Variants in RIC3 observed in about 807,000 individuals in gnomAD.
RIC3 encodes protein RIC-3.
Under a neutral mutation model 27.3 loss-of-function variants are expected in RIC3, and 28 were observed. The observed-to-expected ratio is 1.02, with a 90% CI of 0.76 to 1.41. The LOEUF (loss-of-function observed/expected upper bound fraction) is 1.41. RIC3 is among the 40% of genes most tolerant of loss of function. The pLI is 0.00. For missense variants in RIC3, 501 were observed against 444.7 expected, an observed-to-expected ratio of 1.13 and a Z score of -1.14; for synonymous variants, 184 against 160.4, an observed-to-expected ratio of 1.15 and a Z score of -1.11.
the RIC3 span, chr11:8,097,941 C>T: frequency 7.9e-6 from 6 of 760,216 alleles, no homozygotes; most frequent in Non-Finnish European, 1.1e-5. Flanking sequence ...GGATACTCTC[C>T]CAGGATCCTC....
the RIC3 span, among the ~76,000 whole-genome samples, chr11:8,099,144 C>T: frequency 2.0e-5 from 3 of 152,098 alleles, no homozygotes; most frequent in Non-Finnish European, 2.9e-5. Context: ...GTCTCTTAGA[C>T]AGAAGGAGAC....
intron 1 of RIC3, among the ~76,000 whole-genome samples, chr11:8,154,081 A>G (rs915586830): frequency 6.6e-6 from 1 of 152,212 alleles, no homozygotes; most frequent in African/African-American, 2.4e-5. Context: ...AAACATTTGG[A>G]AATTTCTAGT....
At chr11:8,146,066 T>C (rs1307603412) in intron 1 of RIC3, among the ~76,000 whole-genome samples, 2 of 152,184 alleles carry the variant, frequency 1.3e-5, no homozygotes, top group African/African-American at 2.4e-5. Flanking sequence ...AGGTTATATA[T>C]ATGTGAACTA....
intron 1 of RIC3, among the ~76,000 whole-genome samples, chr11:8,148,415 C>CTT (rs1949927146): frequency 6.6e-6 from 1 of 152,216 alleles, no homozygotes; most frequent in African/African-American, 2.4e-5. Flanking sequence ...AGGAAGCTAA[C>CTT]TTTTCTCTTG....
intron 1 of RIC3, 49 bp downstream of exon 1, chr11:8,168,817 C>A (rs79545167): frequency 6.3e-7 from 1 of 1,582,258 alleles, no homozygotes; most frequent in Non-Finnish European, 8.6e-7. Context: ...GCAGCGTTCT[C>A]CGTACTCTTC....
chr11:8,133,848 G>C (rs991897160), intron 4 of RIC3, among the ~76,000 whole-genome samples: 2 of 152,220 alleles, frequency 1.3e-5, no homozygotes, highest in African/African-American at 2.4e-5. Flanking sequence ...GGAGTAATTT[G>C]AGTTAAGGGA....
the RIC3 span, chr11:8,094,146 C>A: frequency 1.2e-6 from 2 of 1,614,024 alleles, no homozygotes; most frequent in Admixed American, 3.3e-5. Context: ...CAGCAGGGGG[C>A]CAGGGTGGCG....
downstream of RIC3, chr11:8,105,972 C>T (rs903613294): frequency 6.6e-6 from 1 of 152,196 alleles, no homozygotes; most frequent in African/African-American, 2.4e-5. Context: ...CTGTGTATGT[C>T]TATTTGCACA....
intron 1 of RIC3, among the ~76,000 whole-genome samples, chr11:8,168,370 G>A: frequency 6.6e-6 from 1 of 152,176 alleles, no homozygotes; most frequent in East Asian, 1.9e-4. Flanking sequence ...GGCACAAGAA[G>A]AGCCTGAAGC....
At chr11:8,105,737 C>T (rs1444616823), downstream of RIC3, 6 of 152,166 alleles carry the variant, frequency 3.9e-5, no homozygotes, top group Non-Finnish European at 8.8e-5. Context: ...ATCACTGTGC[C>T]TTTTTTTCTT....
At chr11:8,123,634 A>G (rs1946699951) in intron 5 of RIC3, among the ~76,000 whole-genome samples, 1 of 152,186 alleles carries the variant, frequency 6.6e-6, no homozygotes, top group Non-Finnish European at 1.5e-5. Context: ...TGGATGAACT[A>G]TGTAAATTCC....
the RIC3 span, among the ~76,000 whole-genome samples, chr11:8,093,245 G>C: frequency 1.2e-4 from 18 of 152,160 alleles, no homozygotes; most frequent in African/African-American, 3.9e-4. Flanking sequence ...GATCACTGAG[G>C]GGGGCGAGGG....
chr11:8,135,122 C>G (rs534610824), intron 4 of RIC3, among the ~76,000 whole-genome samples: 2 of 152,298 alleles, frequency 1.3e-5, no homozygotes, highest in South Asian at 4.1e-4. Context: ...TTAGGTCTAA[C>G]ATTTAAGTCT....
chr11:8,101,799 G>A, downstream of RIC3: 35 of 1,103,020 alleles, frequency 3.2e-5, no homozygotes, highest in Non-Finnish European at 4.3e-5. Flanking sequence ...TACTGAGGCA[G>A]GGGAGTAGTG....
At chr11:8,094,581 T>C in the RIC3 span, among the ~76,000 whole-genome samples, 2 of 152,228 alleles carry the variant, frequency 1.3e-5, no homozygotes, top group African/African-American at 2.4e-5. Flanking sequence ...CCCATCCTTA[T>C]GCAGCCCTCG....
At chr11:8,097,866 G>A in the RIC3 span, 2 of 1,515,872 alleles carry the variant, frequency 1.3e-6, no homozygotes, top group Non-Finnish European at 1.8e-6. Flanking sequence ...GAGTGGGAGG[G>A]AGGGGCAGGG....
rs572320863 is a variant in RIC3, at chr11:8,154,279, G to A, written c.125-14086C>T. Among the ~76,000 whole-genome samples, 8 of 152,228 alleles carry A rather than the reference G, an allele frequency of 5.3e-5. No individual in the cohort carries two copies. In the East Asian group the frequency reaches 5.8e-4, roughly 11 times the overall value. Reference sequence around the variant, plus strand: ...ATTTTGGTGCTTATTATCAGAATGCGTGCTTTTAGATTTTATTGCATTAAC... The same window carrying A: ...ATTTTGGTGCTTATTATCAGAATGCATGCTTTTAGATTTTATTGCATTAAC... On this transcript the variant is annotated intron_variant, in intron 1 of 5. Transcript: ENST00000309737.
chr11:8,159,282 A>C (rs991301326), intron 1 of RIC3, among the ~76,000 whole-genome samples: 1 of 152,320 alleles, frequency 6.6e-6, no homozygotes, highest in African/African-American at 2.4e-5. Flanking sequence ...TGAAGTGGGA[A>C]CATGCTTGGC....
At chr11:8,097,939 TC>T in the RIC3 span, 1 of 764,082 alleles carries the variant, frequency 1.3e-6, no homozygotes, top group Non-Finnish European at 2.2e-6. Context: ...ATGGATACTC[TC>T]CCAGGATCCT....
Sources: allele counts gnomAD v4.1 joint callset (sites outside exome capture counted in the v4.1 genomes callset), GRCh38; gene constraint gnomAD v4.1.1; transcripts MANE v1.5; gene names NCBI Gene and HGNC (gene_info 2026-07-23, HGNC 2026-07-21).